The following TUSC3 variants were observed in gnomAD, a reference collection of about 807,000 sequenced individuals.
The protein encoded by TUSC3 is dolichyl-diphosphooligosaccharide--protein glycosyltransferase subunit TUSC3.
TUSC3 carries 45 observed loss-of-function variants against 44.8 expected under a neutral mutation model. That is an observed-to-expected ratio of 1.00 (90% CI 0.79 to 1.29). The LOEUF (loss-of-function observed/expected upper bound fraction) is 1.29. Among genes scored for constraint, TUSC3 ranks in the 50% most tolerant of loss-of-function variants. TUSC3 has a pLI of 0.00. For missense variants in TUSC3, 519 were observed against 437.9 expected (o/e 1.19, Z -1.65); for synonymous variants, 212 against 152.9 (o/e 1.39, Z -2.85).
chr8:15,445,015 C>A (rs1159212395), intron 1 of TUSC3, among the ~76,000 whole-genome samples: 1 of 151,958 alleles, frequency 6.6e-6, no homozygotes, highest in African/African-American at 2.4e-5. Flanking sequence ...AGTTTAGGTA[C>A]CAGAGAACTA....
chr8:15,515,013 T>C (rs1251781037), intron 2 of TUSC3, among the ~76,000 whole-genome samples: 1 of 152,200 alleles, frequency 6.6e-6, no homozygotes, highest in East Asian at 1.9e-4. Context: ...GGTTGGAGAA[T>C]CTATCAATAC....
intron 1 of TUSC3, among the ~76,000 whole-genome samples, chr8:15,611,026 T>A (rs991380891): frequency 6.6e-6 from 1 of 152,204 alleles, no homozygotes; most frequent in Admixed American, 6.5e-5. Flanking sequence ...AGTGTGATAT[T>A]AGAATAACTT....
chr8:15,483,865 G>C (rs1427529401), intron 2 of TUSC3, among the ~76,000 whole-genome samples: 2 of 146,906 alleles, frequency 1.4e-5, no homozygotes, highest in Non-Finnish European at 3.0e-5. Context: ...CACTGTGTTA[G>C]CCAGGGTGGT....
At position 15,494,054 on chromosome 8, in the gene TUSC3, G is replaced by C. The variant is rs1406781142; in HGVS notation, n.189+10571G>C. On this transcript the variant is annotated intron_variant and non_coding_transcript_variant, in intron 2 of 5. Coordinates refer to the TUSC3 transcript ENST00000503191. ...CACTCGTGGCATGCTTGAGATCTTT[G>C]TTCAAAAATAACCCCACCATACCAG... Among the ~76,000 whole-genome samples the C allele has an allele frequency of 2.6e-5, 4 of 152,218 alleles. No individual in the cohort carries two copies. In the East Asian group the frequency reaches 7.7e-4, roughly 29 times the overall value.
chr8:15,603,469 G>T (rs979077429), intron 1 of TUSC3, among the ~76,000 whole-genome samples: 1 of 151,540 alleles, frequency 6.6e-6, no homozygotes, highest in Non-Finnish European at 1.5e-5. Context: ...GTAAGTTTTT[G>T]TATTCTGTGG....
chr8:15,508,873 T>C (rs148074300), intron 2 of TUSC3, among the ~76,000 whole-genome samples: 4 of 152,362 alleles, frequency 2.6e-5, no homozygotes, highest in South Asian at 2.1e-4. Flanking sequence ...GCTTGTAATA[T>C]ATTACCTTAA....
At chr8:15,817,199 C>G in the TUSC3 span, among the ~76,000 whole-genome samples, 4 of 152,136 alleles carry the variant, frequency 2.6e-5, no homozygotes, top group Admixed American at 2.6e-4. Context: ...TATTTGAAAG[C>G]ACAACGTAGT....
chr8:15,683,397 A>T (rs1808501786), intron 6 of TUSC3, among the ~76,000 whole-genome samples: 2 of 152,172 alleles, frequency 1.3e-5, no homozygotes, highest in African/African-American at 4.8e-5. Flanking sequence ...AGTGATGTTC[A>T]GGCTCTGAAA....
At chr8:15,685,241 G>C (rs1423292357) in intron 6 of TUSC3, among the ~76,000 whole-genome samples, 2 of 152,078 alleles carry the variant, frequency 1.3e-5, no homozygotes, top group Non-Finnish European at 2.9e-5. Flanking sequence ...TATGTGGTGG[G>C]AGTGTGCTGC....
At chr8:15,562,140 C>G (rs1802498899) in intron 1 of TUSC3, among the ~76,000 whole-genome samples, 1 of 152,144 alleles carries the variant, frequency 6.6e-6, no homozygotes, top group Non-Finnish European at 1.5e-5. Flanking sequence ...GAGATAAGAA[C>G]TTCCCGGCAT....
At chr8:15,709,757 A>G (rs1809765862) in intron 6 of TUSC3, among the ~76,000 whole-genome samples, 1 of 151,902 alleles carries the variant, frequency 6.6e-6, no homozygotes, top group African/African-American at 2.4e-5. Flanking sequence ...TATGGCTTAG[A>G]GAGGTTAAGT....
In TUSC3 at chr8:15,523,688, G is replaced by GTATATATA. The variant is rs1296439729; in HGVS notation, n.189+40206_189+40207insATATATAT. Among the ~76,000 whole-genome samples, 41 of 50,074 alleles carry GTATATATA rather than the reference G, an allele frequency of 8.2e-4. 1 individual carries two copies. Among genetic ancestry groups the GTATATATA allele is most frequent in the African/African-American group, 2.9e-3 (34 of 11,896 alleles). 32.9% of individuals were successfully genotyped at this position (50,074 alleles called of 152,430 possible). On this transcript the variant is annotated intron_variant and non_coding_transcript_variant, in intron 2 of 5. Transcript: ENST00000503191. ...TATGTGTGTGTGTGTGTGTGTGTGT[G>GTATATATA]TGTGTGTGTGTGTGTGTGTGTATAT... is the stretch of plus-strand genomic sequence containing the variant.
chr8:15,801,748 A>T, the TUSC3 span, among the ~76,000 whole-genome samples: 1 of 152,168 alleles, frequency 6.6e-6, no homozygotes, highest in Non-Finnish European at 1.5e-5. Context: ...GAGGGGTTCT[A>T]GAGCTGCAAG....
intron 1 of TUSC3, among the ~76,000 whole-genome samples, chr8:15,590,577 C>T (rs1324787140): frequency 6.6e-6 from 1 of 152,024 alleles, no homozygotes; most frequent in Non-Finnish European, 1.5e-5. Flanking sequence ...TTTCCCTGAA[C>T]ACCACTCTGC....
intron 2 of TUSC3, among the ~76,000 whole-genome samples, chr8:15,648,392 G>A (rs1012558593): frequency 7.2e-5 from 11 of 152,026 alleles, no homozygotes; most frequent in African/African-American, 2.7e-4. Context: ...ACTAGACGCG[G>A]GCAGACTCTG....
In TUSC3 at chr8:15,765,588, G is replaced by A. The variant is rs1000249269; in HGVS notation, c.*1432G>A. ...TCCCAGGGCAATGTGTATGCTAGCA[G>A]GATGAATGCTATCTTTTCAAAACAT... On this transcript the variant is annotated 3_prime_UTR_variant, in exon 11 of 11. Transcript: ENST00000503731. 6.6e-6 allele frequency: 1 copy of A among 151,954 alleles called. No homozygotes were observed. Among genetic ancestry groups the A allele is most frequent in the African/African-American group, 2.4e-5 (1 of 41,408 alleles). The allele number at this position is 151,954 out of a possible 1,614,324, so 9.4% of individuals were successfully genotyped here. A position where few individuals can be genotyped will look rare whatever the true frequency, so the allele number is the denominator to read the frequency against.
intron 1 of TUSC3, among the ~76,000 whole-genome samples, chr8:15,546,642 C>G (rs1333883385): frequency 1.3e-5 from 2 of 151,502 alleles, no homozygotes; most frequent in Admixed American, 1.3e-4. Context: ...TTCAAGCAAT[C>G]CCCCTGCCTC....
At chr8:15,480,124 G>C (rs974512595) in intron 1 of TUSC3, among the ~76,000 whole-genome samples, 1 of 152,054 alleles carries the variant, frequency 6.6e-6, no homozygotes, top group African/African-American at 2.4e-5. Flanking sequence ...AAGAGAACTA[G>C]GAAAGTAAAG....
At chr8:15,844,037 G>A in the TUSC3 span, among the ~76,000 whole-genome samples, 123 of 152,160 alleles carry the variant, frequency 8.1e-4, no homozygotes, top group Non-Finnish European at 1.4e-3. Flanking sequence ...CAATTTCAGC[G>A]AATCTGTAAG....
Sources: gnomAD v4.1 joint callset for allele counts (sites outside exome capture counted in the v4.1 genomes callset) on GRCh38, gnomAD v4.1.1 for gene constraint, MANE v1.5 for transcripts, NCBI Gene and HGNC (gene_info 2026-07-23, HGNC 2026-07-21) for gene names.